The following LCP2 variants were observed in gnomAD, a reference collection of about 807,000 sequenced individuals.
LCP2 encodes lymphocyte cytosolic protein 2, also known as 76 kDa tyrosine phosphoprotein.
LCP2 carries 29 observed loss-of-function variants against 74.5 expected under a neutral mutation model. That is an observed-to-expected ratio of 0.39 (90% CI 0.29 to 0.53). LCP2 has a LOEUF of 0.53. LCP2 is among the 20% of genes least tolerant of loss of function. The probability of loss-of-function intolerance (pLI) is 0.72; values close to 1 mark genes in which losing one functional copy is unlikely to be tolerated. For synonymous variants in LCP2, 228 were observed against 229.5 expected, an observed-to-expected ratio of 0.99 and a Z score of 0.06; for missense variants, 604 against 634.6, an observed-to-expected ratio of 0.95 and a Z score of 0.52.
intron 15 of LCP2, among the ~76,000 whole-genome samples, 169 bp downstream of exon 15, chr5:170,258,694 TCCA>T (rs1266702829): frequency 1.3e-5 from 2 of 152,234 alleles, no homozygotes; most frequent in Non-Finnish European, 2.9e-5. Flanking sequence ...AACCAAGTAA[TCCA>T]TTTTACGATA....
chr5:170,246,713 A>G lies in LCP2; in HGVS notation c.*1984T>C, dbSNP rs903609309. The G allele has an allele frequency of 2.6e-5, 4 of 152,552 alleles. No homozygotes were observed. Among genetic ancestry groups the G allele is most frequent in the South Asian group, 4.1e-4 (2 of 4,840 alleles). The allele number at this position is 152,552 out of a possible 1,614,324, so 9.4% of individuals were successfully genotyped here. On this transcript the variant is annotated 3_prime_UTR_variant, in exon 21 of 21. Coordinates refer to ENST00000046794, the MANE Select transcript of LCP2 (RefSeq NM_005565.5). ...TCAGGCTTCATGTTTAACATTCCAG[A>G]GAGTGACCCTGATTGACCCAGCTTT...
At chr5:170,265,695 AG>A (rs1400529892) in intron 10 of LCP2, among the ~76,000 whole-genome samples, 1 of 152,252 alleles carries the variant, frequency 6.6e-6, no homozygotes, top group Non-Finnish European at 1.5e-5. Context: ...GTTCGGGGAA[AG>A]AGCAGCGAGC....
At chr5:170,279,482 G>C (rs1762065440) in intron 3 of LCP2, among the ~76,000 whole-genome samples, 1 of 152,114 alleles carries the variant, frequency 6.6e-6, no homozygotes, top group African/African-American at 2.4e-5. Context: ...CACAATACAG[G>C]GGTTAAACCT....
At chr5:170,252,813 C>A (rs755231012) in intron 18 of LCP2, among the ~76,000 whole-genome samples, 12 of 152,254 alleles carry the variant, frequency 7.9e-5, no homozygotes, top group Non-Finnish European at 1.8e-4. Flanking sequence ...GCATAATAAC[C>A]TGCTTGATTA....
At chr5:170,291,763 C>T (rs977489070) in intron 2 of LCP2, among the ~76,000 whole-genome samples, 3 of 152,174 alleles carry the variant, frequency 2.0e-5, no homozygotes, top group African/African-American at 7.2e-5. Context: ...GGCAACAGGG[C>T]GTCGTAGGCA....
intron 2 of LCP2, 103 bp downstream of exon 2, chr5:170,293,207 C>A: frequency 8.8e-7 from 1 of 1,137,628 alleles, no homozygotes; most frequent in Non-Finnish European, 1.3e-6. Flanking sequence ...GCAAAGGGAT[C>A]CTCGGGTGTC....
At chr5:170,278,869 G>A (rs1428540418) in intron 3 of LCP2, among the ~76,000 whole-genome samples, 1 of 152,180 alleles carries the variant, frequency 6.6e-6, no homozygotes, top group Non-Finnish European at 1.5e-5. Flanking sequence ...GCAGCAAAGT[G>A]TGGGCTCCCA....
intron 17 of LCP2, among the ~76,000 whole-genome samples, chr5:170,255,237 A>C (rs568403989): frequency 1.5e-4 from 23 of 152,326 alleles, no homozygotes; most frequent in Non-Finnish European, 2.9e-5. Flanking sequence ...AATGCTTAGA[A>C]AACATTGAAA....
At chr5:170,271,886 A>G (rs1204301727) in intron 6 of LCP2, among the ~76,000 whole-genome samples, 1 of 152,206 alleles carries the variant, frequency 6.6e-6, no homozygotes, top group Non-Finnish European at 1.5e-5. Context: ...GGCCTCAGGC[A>G]GACTGTCTTT....
At chr5:170,292,026 A>G (rs1415076763) in intron 2 of LCP2, among the ~76,000 whole-genome samples, 1 of 152,216 alleles carries the variant, frequency 6.6e-6, no homozygotes, top group Non-Finnish European at 1.5e-5. Flanking sequence ...AAATCACATC[A>G]CAGCTCTGCA....
At chr5:170,262,500 C>T in intron 13 of LCP2, 135 bp downstream of exon 13, 1 of 637,668 alleles carries the variant, frequency 1.6e-6, no homozygotes, top group Non-Finnish European at 2.8e-6. Flanking sequence ...CTGAACATCC[C>T]TCAAGCCACA....
In LCP2 at chr5:170,262,691, G is replaced by A; in HGVS notation, c.870C>T (p.Thr290=). 4 of 1,613,986 alleles carry A rather than the reference G, an allele frequency of 2.5e-6. No homozygotes were observed. The highest frequency in any genetic ancestry group is 3.4e-6 in the Non-Finnish European group (4 of 1,179,886). ...GGCTGCTCCTTTCATGTCTTTCCGTGGTCGGTGGTAAAGGAGGCTTTTGAA... is the reference window on the plus strand; with the variant it reads ...GGCTGCTCCTTTCATGTCTTTCCGTAGTCGGTGGTAAAGGAGGCTTTTGAA... ...PKIQKPPLPP[T]TERHERSSPL... is the part of the protein sequence containing the mutation. The change falls in exon 13 of 21, where the codon ACC becomes ACT. Residue 290 remains threonine, a synonymous_variant. Transcript: ENST00000046794.
At chr5:170,288,431 G>T (rs1370584828) in intron 2 of LCP2, among the ~76,000 whole-genome samples, 3 of 152,222 alleles carry the variant, frequency 2.0e-5, no homozygotes, top group Non-Finnish European at 4.4e-5. Context: ...CAGCTGCAGA[G>T]AAGCCAGCCT....
Position 170,268,477 on chromosome 5 carries a change from G to T in LCP2, c.529C>A (p.Pro177Thr). The change falls in exon 8 of 21, where the codon CCC (proline) becomes ACC (threonine). Residue 177 changes from proline (P) to threonine (T), a missense_variant. Transcript: ENST00000046794. ...TGCTGGGGGGTTTTCCCAGAGGGGG[G>T]CCGGTCTGTGGAAACACAAGGTTAT... ...PNSNSMYIDR[P>T]PSGKTPQQPP... The T allele has an allele frequency of 3.7e-6, 1 of 268,142 alleles. No homozygotes were observed. The highest frequency in any genetic ancestry group is 7.2e-6 in the Non-Finnish European group (1 of 139,144). The allele number at this position is 268,142 out of a possible 1,614,324, so 16.6% of individuals were successfully genotyped here.
intron 6 of LCP2, among the ~76,000 whole-genome samples, chr5:170,271,719 T>C (rs1257740600): frequency 1.3e-5 from 2 of 151,960 alleles, no homozygotes; most frequent in Admixed American, 6.6e-5. Context: ...TCAGCAGCAG[T>C]GATGAGCGCT....
In LCP2 at chr5:170,253,184, C is replaced by G. The variant is rs749880153; in HGVS notation, c.1180G>C (p.Glu394Gln). Reference sequence around the variant, plus strand: ...AGTGGCAAGGGGAAGTTTCTGCCTTCGGCTCTGATAGGTGGTCTGTTGCTA... The same window carrying G: ...AGTGGCAAGGGGAAGTTTCTGCCTTGGGCTCTGATAGGTGGTCTGTTGCTA... ...GPSNRPPIRA[E>Q]GRNFPLPLPN... The change falls in exon 18 of 21, where the codon GAA becomes CAA. Residue 394 changes from glutamate to glutamine, a missense_variant. By Grantham distance (29) the Glu-to-Gln change is conservative. Transcript: ENST00000046794. The G allele has an allele frequency of 6.2e-7, 1 of 1,610,406 alleles. No homozygotes were observed. The highest frequency in any genetic ancestry group is 8.5e-7 in the Non-Finnish European group (1 of 1,178,194).
At position 170,275,473 on chromosome 5, in the gene LCP2, G is replaced by A. The variant is rs911199244; in HGVS notation, c.255-122C>T. ...AGGGCATGTCTCACTGCTCAAGAGAGGTTTGTATCCTTGCTGCTCAGCAAC... is the reference window on the plus strand; with the variant it reads ...AGGGCATGTCTCACTGCTCAAGAGAAGTTTGTATCCTTGCTGCTCAGCAAC... On this transcript the variant is annotated intron_variant, in intron 4 of 20. Coordinates refer to ENST00000046794, the MANE Select transcript of LCP2 (RefSeq NM_005565.5). 4.4e-6 allele frequency: 5 copies of A among 1,133,550 alleles called. No homozygotes were observed. In the African/African-American group the frequency reaches 7.6e-5, roughly 17 times the overall value. 70.2% of individuals were successfully genotyped at this position (1,133,550 alleles called of 1,614,324 possible).
At chr5:170,291,951 T>C (rs1762301806) in intron 2 of LCP2, among the ~76,000 whole-genome samples, 1 of 152,218 alleles carries the variant, frequency 6.6e-6, no homozygotes, top group Admixed American at 6.5e-5. Flanking sequence ...TGTTAAAAAG[T>C]CAAATGGTAT....
In LCP2 at chr5:170,262,696, G is replaced by A. The variant is rs1761678119; in HGVS notation, c.865C>T (p.Pro289Ser). 6.2e-7 allele frequency: 1 copy of A among 1,613,912 alleles called. No individual in the cohort carries two copies. The highest frequency in any genetic ancestry group is 1.3e-5 in the African/African-American group (1 of 74,942). ...LPKIQKPPLP[P>S]TTERHERSSP... ...CTCCTTTCATGTCTTTCCGTGGTCG[G>A]TGGTAAAGGAGGCTTTTGAATCTTG... Residue 289 changes from proline to serine, a missense_variant, in exon 13 of 21, where the codon CCG (proline) becomes TCG (serine). Physicochemically the swap from Pro to Ser is moderately conservative, Grantham distance 74 (BLOSUM62 -1). Transcript: ENST00000046794.
Sources: gnomAD v4.1 joint callset for allele counts (sites outside exome capture counted in the v4.1 genomes callset) on GRCh38, gnomAD v4.1.1 for gene constraint, MANE v1.5 for transcripts, NCBI Gene and HGNC (gene_info 2026-07-23, HGNC 2026-07-21) for gene names.